Variants in ASIC2 observed in about 807,000 individuals in gnomAD.
ASIC2 encodes acid-sensing ion channel 2.
In ASIC2, 25 loss-of-function variants were observed where a neutral mutation model predicts 57.3. That is an observed-to-expected ratio of 0.44 (90% CI 0.32 to 0.61). The LOEUF is 0.61. Among genes scored for constraint, ASIC2 ranks in the 20% least tolerant of loss-of-function variants. The pLI is 0.06. For synonymous variants in ASIC2, 319 were observed against 307.5 expected (o/e 1.04, Z -0.39); for missense variants, 641 against 738.1 (o/e 0.87, Z 1.52).
intron 1 of ASIC2, among the ~76,000 whole-genome samples, chr17:33,712,194 C>T (rs1434954801): frequency 6.6e-6 from 1 of 152,284 alleles, no homozygotes; most frequent in East Asian, 1.9e-4. Flanking sequence ...GGATGACTGC[C>T]TACAGTCTCA....
intron 3 of ASIC2, among the ~76,000 whole-genome samples, chr17:33,073,324 C>T (rs1050073774): frequency 9.2e-5 from 14 of 152,204 alleles, no homozygotes; most frequent in African/African-American, 2.9e-4. Flanking sequence ...TCTTGGTTAC[C>T]AAAAGTTCTG....
chr17:33,568,211 A>T (rs1042570916), intron 1 of ASIC2, among the ~76,000 whole-genome samples: 1 of 152,148 alleles, frequency 6.6e-6, no homozygotes, highest in Non-Finnish European at 1.5e-5. Flanking sequence ...TTCCATTAGC[A>T]TACCTTGGTT....
At chr17:33,982,912 A>C (rs1905677117) in intron 1 of ASIC2, among the ~76,000 whole-genome samples, 1 of 152,220 alleles carries the variant, frequency 6.6e-6, no homozygotes, top group African/African-American at 2.4e-5. Context: ...ATGTGTATAC[A>C]TATACAAGAA....
intron 1 of ASIC2, among the ~76,000 whole-genome samples, chr17:33,469,146 C>T (rs967517585): frequency 1.9e-4 from 29 of 152,198 alleles, no homozygotes; most frequent in African/African-American, 5.8e-4. Context: ...TGGAAGGAAG[C>T]GCTTGGCAAA....
In ASIC2 at chr17:33,293,070, G is replaced by A. The variant is rs1383125103; in HGVS notation, c.-955C>T. 1.0e-6 allele frequency: 1 copy of A among 982,476 alleles called. No individual in the cohort carries two copies. The highest frequency in any genetic ancestry group is 6.1e-5 in the Admixed American group (1 of 16,270). The allele number at this position is 982,476 out of a possible 1,614,324, so 60.9% of individuals were successfully genotyped here. A position where few individuals can be genotyped will look rare whatever the true frequency, so the allele number is the denominator to read the frequency against. ...CGCGGCGACAAGAGCTGGGGACTGC[G>A]GGGACCCGCCAACACCTCCCGGGGG... On this transcript the variant is annotated 5_prime_UTR_variant, in exon 1 of 10. Coordinates refer to ENST00000225823, the MANE Select transcript of ASIC2 (RefSeq NM_183377.2).
intron 1 of ASIC2, among the ~76,000 whole-genome samples, chr17:33,915,037 G>A (rs532839012): frequency 7.2e-5 from 11 of 152,324 alleles, no homozygotes; most frequent in African/African-American, 2.4e-4. Flanking sequence ...GCTGGCGTAC[G>A]CAGGCAACAT....
chr17:33,318,971 T>A (rs1381375900), intron 1 of ASIC2, among the ~76,000 whole-genome samples: 1 of 152,178 alleles, frequency 6.6e-6, no homozygotes, highest in Non-Finnish European at 1.5e-5. Flanking sequence ...TGGGAAGGAC[T>A]AAAATGGCAG....
intron 2 of ASIC2, among the ~76,000 whole-genome samples, chr17:33,105,999 T>A (rs973457460): frequency 6.6e-6 from 1 of 152,076 alleles, no homozygotes; most frequent in Non-Finnish European, 1.5e-5. Context: ...GGGTGGCAAT[T>A]TTAAACAGGG....
At chr17:33,550,557 G>T (rs764479101) in intron 1 of ASIC2, among the ~76,000 whole-genome samples, 1 of 152,190 alleles carries the variant, frequency 6.6e-6, no homozygotes, top group African/African-American at 2.4e-5. Context: ...TAGTTAAACA[G>T]CAGAGGCTGA....
At position 33,922,453 on chromosome 17, in the gene ASIC2, G is replaced by A. The variant is rs73987300; in HGVS notation, c.555+233525C>T. Reference sequence around the variant, plus strand: ...CAAATCCTATTTGTTCAAAAATACCGCCTCACTTTGTTCTAGGTGCTACAG... The same window carrying A: ...CAAATCCTATTTGTTCAAAAATACCACCTCACTTTGTTCTAGGTGCTACAG... On this transcript the variant is annotated intron_variant, in intron 1 of 9. Coordinates refer to the ASIC2 transcript ENST00000359872. Among the ~76,000 whole-genome samples the A allele has an allele frequency of 2.2e-3, 341 of 152,212 alleles. 4 individuals are homozygous for A. Among genetic ancestry groups the A allele is most frequent in the African/African-American group, 7.6e-3 (317 of 41,532 alleles).
chr17:33,421,954 T>TG, intron 1 of ASIC2, among the ~76,000 whole-genome samples: 1 of 152,210 alleles, frequency 6.6e-6, no homozygotes, highest in South Asian at 2.1e-4. Flanking sequence ...CCTGAAAGTT[T>TG]GGGGGCGCCA....
intron 1 of ASIC2, among the ~76,000 whole-genome samples, chr17:33,785,979 T>A (rs1300672383): frequency 3.3e-5 from 5 of 152,224 alleles, no homozygotes; most frequent in Non-Finnish European, 7.3e-5. Flanking sequence ...GCTGCTGCAA[T>A]GTCATTACTA....
chr17:33,101,771 G>A (rs1262527673), intron 2 of ASIC2, among the ~76,000 whole-genome samples: 2 of 152,032 alleles, frequency 1.3e-5, no homozygotes, highest in Non-Finnish European at 2.9e-5. Context: ...CCATGACTCT[G>A]TAAATATTGT....
At chr17:33,518,356 C>G (rs991439306) in intron 1 of ASIC2, among the ~76,000 whole-genome samples, 1 of 152,188 alleles carries the variant, frequency 6.6e-6, no homozygotes, top group Non-Finnish European at 1.5e-5. Flanking sequence ...CTGAAAAAGG[C>G]TAAGGTTGGT....
At chr17:33,480,066 C>T (rs1287381149) in intron 1 of ASIC2, among the ~76,000 whole-genome samples, 1 of 152,130 alleles carries the variant, frequency 6.6e-6, no homozygotes, top group African/African-American at 2.4e-5. Context: ...ACCATAAATC[C>T]ACCCATGTCT....
intron 1 of ASIC2, among the ~76,000 whole-genome samples, chr17:33,348,074 C>T (rs1354154440): frequency 2.6e-5 from 4 of 152,190 alleles, no homozygotes; most frequent in African/African-American, 9.7e-5. Flanking sequence ...TGCACTCCAG[C>T]CTGTGTGACA....
intron 1 of ASIC2, among the ~76,000 whole-genome samples, chr17:33,663,800 T>A (rs756632240): frequency 1.3e-5 from 2 of 152,158 alleles, no homozygotes; most frequent in African/African-American, 2.4e-5. Flanking sequence ...TCTGTGCCCT[T>A]CCCTGCACAC....
intron 1 of ASIC2, among the ~76,000 whole-genome samples, chr17:34,032,270 T>C (rs1366423874): frequency 6.6e-6 from 1 of 152,158 alleles, no homozygotes; most frequent in Non-Finnish European, 1.5e-5. Context: ...CTAAGCTTCA[T>C]AAGTGAAGGA....
At chr17:33,259,346 G>A (rs944778609) in intron 1 of ASIC2, among the ~76,000 whole-genome samples, 1 of 152,098 alleles carries the variant, frequency 6.6e-6, no homozygotes, top group African/African-American at 2.4e-5. Context: ...TGCAAAACCA[G>A]GGTCATAAAA....
Sources: allele counts gnomAD v4.1 joint callset (sites outside exome capture counted in the v4.1 genomes callset), GRCh38; gene constraint gnomAD v4.1.1; transcripts MANE v1.5; gene names NCBI Gene and HGNC (gene_info 2026-07-23, HGNC 2026-07-21).